CEP192: variants seen among roughly 807,000 people sequenced by gnomAD.
CEP192 encodes centrosomal protein of 192 kDa.
CEP192 carries 151 observed loss-of-function variants against 271.8 expected under a neutral mutation model. The ratio of observed to expected loss-of-function variants is 0.56; its 90% confidence interval spans 0.49 to 0.64. The LOEUF (loss-of-function observed/expected upper bound fraction) is 0.64. CEP192 is among the 30% of genes least tolerant of loss of function. CEP192 has a pLI of 0.00. For missense variants in CEP192, 2,910 were observed against 3,020.5 expected (o/e 0.96, Z 0.86); for synonymous variants, 995 against 1,076.5 (o/e 0.92, Z 1.48).
intron 21 of CEP192, among the ~76,000 whole-genome samples, chr18:13,064,392 C>T (rs952721548): frequency 6.6e-6 from 1 of 151,840 alleles, no homozygotes; most frequent in Non-Finnish European, 1.5e-5. Context: ...GCAGGTGGAT[C>T]ACGAGGTCAG....
At chr18:13,024,254 C>T in intron 9 of CEP192, 3 of 452,974 alleles carry the variant, frequency 6.6e-6, no homozygotes. Flanking sequence ...CCTGCCTTAT[C>T]TCTGATAACT....
At chr18:13,015,538 T>G (rs2034594566) in intron 6 of CEP192, 90 bp downstream of exon 6, 1 of 1,366,970 alleles carries the variant, frequency 7.3e-7, no homozygotes. Context: ...GCCAACTTTT[T>G]GGGTTTTTTG....
intron 11 of CEP192, among the ~76,000 whole-genome samples, chr18:13,034,666 A>C (rs1459183135): frequency 6.6e-6 from 1 of 151,518 alleles, no homozygotes; most frequent in Non-Finnish European, 1.5e-5. Flanking sequence ...AATACAAAAA[A>C]TTAGCTGGGT....
At chr18:13,124,336 C>A (rs2040808394) in intron 44 of CEP192, among the ~76,000 whole-genome samples, 1 of 152,058 alleles carries the variant, frequency 6.6e-6, no homozygotes, top group East Asian at 1.9e-4. Flanking sequence ...AGGCAGTATA[C>A]AAAGCTGTAT....
intron 18 of CEP192, among the ~76,000 whole-genome samples, chr18:13,053,790 A>C (rs1427158520): frequency 6.6e-6 from 1 of 152,072 alleles, no homozygotes; most frequent in Non-Finnish European, 1.5e-5. Context: ...GCTGGTCTCA[A>C]GGGATCCTCC....
intron 13 of CEP192, among the ~76,000 whole-genome samples, chr18:13,039,014 A>G (rs1191789329): frequency 2.6e-5 from 4 of 152,252 alleles, no homozygotes; most frequent in Non-Finnish European, 5.9e-5. Context: ...TGATTTAATT[A>G]AATGTAATGC....
chr18:12,994,385 G>A (rs935589680), intron 1 of CEP192, among the ~76,000 whole-genome samples: 1 of 151,870 alleles, frequency 6.6e-6, no homozygotes, highest in Non-Finnish European at 1.5e-5. Context: ...GGGCTTTGGG[G>A]GTATTACAAG....
Position 13,001,512 on chromosome 18 carries a change from G to A in CEP192, c.220G>A (p.Gly74Arg), listed in dbSNP as rs759262244. Residue 74 changes from glycine (G) to arginine (R), a missense_variant, in exon 3 of 45, where the codon GGG (glycine) becomes AGG (arginine). Physicochemically the swap from Gly to Arg is moderately radical, Grantham distance 125 (BLOSUM62 -2). Coordinates refer to ENST00000506447, the MANE Select transcript of CEP192 (RefSeq NM_032142.4). ...AGAAGGGAGATTTTCAGTTCCATCC[G>A]GGTCATCTCCCGGAAGCCAGAGTGA... ...LVEGRFSVPSGSSPGSQSDAE... is the reference protein window; with the variant it reads ...LVEGRFSVPSRSSPGSQSDAE... 38 of 1,550,210 alleles carry A rather than the reference G, an allele frequency of 2.5e-5. No individual in the cohort carries two copies. Among genetic ancestry groups the A allele is most frequent in the African/African-American group, 4.1e-5 (3 of 72,982 alleles).
At chr18:13,021,075 A>C (rs1266567846) in intron 9 of CEP192, among the ~76,000 whole-genome samples, 1 of 152,156 alleles carries the variant, frequency 6.6e-6, no homozygotes, top group African/African-American at 2.4e-5. Flanking sequence ...ATTATGATGT[A>C]GTGTGATCTA....
intron 30 of CEP192, among the ~76,000 whole-genome samples, chr18:13,083,364 TGATCTTC>T (rs1334604052): frequency 6.6e-6 from 1 of 152,220 alleles, no homozygotes; most frequent in Non-Finnish European, 1.5e-5. Flanking sequence ...TTCATTCATT[TGATCTTC>T]AATCACTGAT....
chr18:12,997,059 C>T (rs2033293434), intron 1 of CEP192, among the ~76,000 whole-genome samples: 1 of 151,982 alleles, frequency 6.6e-6, no homozygotes, highest in African/African-American at 2.4e-5. Flanking sequence ...ACAGCATGCC[C>T]AGCGTGGGAG....
intron 15 of CEP192, 72 bp downstream of exon 15, chr18:13,042,406 C>A: frequency 1.4e-6 from 2 of 1,475,118 alleles, no homozygotes; most frequent in South Asian, 1.2e-5. Flanking sequence ...AAGACGAGAT[C>A]ACCTGTGAAA....
intron 40 of CEP192, among the ~76,000 whole-genome samples, chr18:13,107,241 AGTCTT>A (rs1487048597): frequency 6.6e-6 from 1 of 152,230 alleles, no homozygotes; most frequent in Non-Finnish European, 1.5e-5. Flanking sequence ...GCATGACTCT[AGTCTT>A]AGCTACTCAA....
chr18:13,089,841 A>G (rs975945950), intron 33 of CEP192, among the ~76,000 whole-genome samples: 7 of 152,238 alleles, frequency 4.6e-5, no homozygotes, highest in African/African-American at 1.7e-4. Context: ...TTGCTGCTGT[A>G]TAAATGTTAC....
chr18:13,104,909 A>C, intron 39 of CEP192, 75 bp from the exon 40 acceptor site: 2 of 1,078,518 alleles, frequency 1.9e-6, no homozygotes, highest in Non-Finnish European at 2.9e-6. Flanking sequence ...CCGCAGCCAT[A>C]GAGGTAATAG....
At position 13,095,580 on chromosome 18, in the gene CEP192, C is replaced by G; in HGVS notation, c.6332C>G (p.Pro2111Arg). ...CCAGTCAAAGGTCCTCAGGGTTCTC[C>G]TCTTCTCTCACGGGCGGCTCGCCCG... ...VLPVKGPQGSPLLSRAARPPL... is the reference protein window; with the variant it reads ...VLPVKGPQGSRLLSRAARPPL... The change falls in exon 35 of 45, where the codon CCT becomes CGT. Residue 2111 changes from proline to arginine, a missense_variant. Pro to Arg is a moderately radical substitution (Grantham distance 103, BLOSUM62 -2). Coordinates refer to ENST00000506447, the MANE Select transcript of CEP192 (RefSeq NM_032142.4). The G allele has an allele frequency of 6.2e-7, 1 of 1,614,220 alleles. No individual in the cohort carries two copies. The highest frequency in any genetic ancestry group is 8.5e-7 in the Non-Finnish European group (1 of 1,180,024).
At chr18:13,122,877 C>T (rs1051910325) in intron 44 of CEP192, among the ~76,000 whole-genome samples, 1 of 152,034 alleles carries the variant, frequency 6.6e-6, no homozygotes, top group Non-Finnish European at 1.5e-5. Flanking sequence ...TAAATTAGTT[C>T]TCAATAATAG....
intron 40 of CEP192, among the ~76,000 whole-genome samples, chr18:13,110,431 A>ATTTT (rs58685532): frequency 1.4e-5 from 2 of 146,262 alleles, no homozygotes; most frequent in Non-Finnish European, 1.5e-5. Context: ...TAATCAATTG[A>ATTTT]TTTTTTTTTT....
At chr18:13,041,740 A>G (rs2036219211) in intron 14 of CEP192, among the ~76,000 whole-genome samples, 1 of 151,630 alleles carries the variant, frequency 6.6e-6, no homozygotes, top group Non-Finnish European at 1.5e-5. Flanking sequence ...AATTTTTTGT[A>G]TTTTTGGTAG....
Sources: gnomAD v4.1 joint callset for allele counts (sites outside exome capture counted in the v4.1 genomes callset) on GRCh38, gnomAD v4.1.1 for gene constraint, MANE v1.5 for transcripts, NCBI Gene and HGNC (gene_info 2026-07-23, HGNC 2026-07-21) for gene names.